Variants in SDHB observed in about 807,000 individuals in gnomAD.
SDHB encodes succinate dehydrogenase [ubiquinone] iron-sulfur subunit, mitochondrial.
A neutral mutation model predicts 39.7 loss-of-function variants in SDHB; 21 were observed. That is an observed-to-expected ratio of 0.53 (90% CI 0.37 to 0.76). The LOEUF (loss-of-function observed/expected upper bound fraction) is 0.76, where lower values mean the gene tolerates loss of function less well. Among genes scored for constraint, SDHB ranks in the 30% least tolerant of loss-of-function variants. The pLI is 0.00. For missense variants in SDHB, 343 were observed against 350.9 expected, an observed-to-expected ratio of 0.98 and a Z score of 0.18; for synonymous variants, 118 against 117.0, an observed-to-expected ratio of 1.01 and a Z score of -0.06.
chr1:17,051,001 C>A (rs2078143620), intron 1 of SDHB, among the ~76,000 whole-genome samples: 1 of 152,178 alleles, frequency 6.6e-6, no homozygotes, highest in Non-Finnish European at 1.5e-5. Context: ...GATCATATAG[C>A]AACACAGGTC....
At chr1:17,042,544 A>T (rs1447608772) in intron 2 of SDHB, among the ~76,000 whole-genome samples, 1 of 152,138 alleles carries the variant, frequency 6.6e-6, no homozygotes, top group East Asian at 1.9e-4. Context: ...TTGGGAAGCT[A>T]AAATGGGTGG....
intron 3 of SDHB, among the ~76,000 whole-genome samples, chr1:17,029,045 C>CAGCAGTTCT (rs1056769066): frequency 6.1e-5 from 9 of 148,200 alleles, no homozygotes; most frequent in African/African-American, 1.7e-4. Context: ...GGAGTTTCCA[C>CAGCAGTTCT]AGCAGTTCTA....
intron 2 of SDHB, among the ~76,000 whole-genome samples, chr1:17,044,113 GC>G (rs2078095644): frequency 6.6e-6 from 1 of 151,954 alleles, no homozygotes; most frequent in African/African-American, 2.4e-5. Context: ...TCCATTCAAG[GC>G]AAGTTTCTGG....
In SDHB at chr1:17,018,976, GA is replaced by G. The variant is rs1553176985; in HGVS notation, c.766-19del. On this transcript the variant is annotated intron_variant, in intron 7 of 7. Coordinates refer to ENST00000375499, the MANE Select transcript of SDHB (RefSeq NM_003000.3). ...TTCAGACCCTTGAAAAAAGAGAAAA[GA>G]ATCAATAACAAATGATAACTGAAAC... 5.1e-6 allele frequency: 8 copies of G among 1,579,318 alleles called. No homozygotes were observed. Among genetic ancestry groups the G allele is most frequent in the Non-Finnish European group, 7.0e-6 (8 of 1,150,342 alleles).
At position 17,030,624 on chromosome 1, in the gene SDHB, G is replaced by GT. The variant is rs573137188; in HGVS notation, c.287-1889dup. Among the ~76,000 whole-genome samples, 348 of 152,026 alleles carry GT rather than the reference G, an allele frequency of 2.3e-3. 2 individuals are homozygous for GT. Among genetic ancestry groups the GT allele is most frequent in the African/African-American group, 3.2e-3 (131 of 41,482 alleles). ...CCTCTAGTGCCAGTCCTCTGAAGCT[G>GT]TTTTTTGAAGATCATTAGGTCAGAG... is the stretch of plus-strand genomic sequence containing the variant. On this transcript the variant is annotated intron_variant, in intron 3 of 7. Coordinates refer to ENST00000375499, the MANE Select transcript of SDHB (RefSeq NM_003000.3).
chr1:17,052,551 G>C (rs2078154676), intron 1 of SDHB: 1 of 152,192 alleles, frequency 6.6e-6, no homozygotes, highest in Non-Finnish European at 1.5e-5. Flanking sequence ...CGTTAGTGGG[G>C]CTCTCACAAT....
At chr1:17,028,815 C>T in intron 3 of SDHB, 79 bp from the exon 4 acceptor site, 1 of 1,546,330 alleles carries the variant, frequency 6.5e-7, no homozygotes, top group Non-Finnish European at 8.9e-7. Flanking sequence ...TCTGGATCCT[C>T]CTTGCTGTGC....
At position 17,028,732 on chromosome 1, in the gene SDHB, G is replaced by A. The variant is rs2078005500; in HGVS notation, c.291C>T (p.Ile97=). The change falls in exon 4 of 8, where the codon ATC becomes ATT. Residue 97 remains isoleucine, a synonymous_variant. Coordinates refer to ENST00000375499, the MANE Select transcript of SDHB (RefSeq NM_003000.3). ...TGATGTTCATTGCACAAGAGCCACA[G>A]ATGCCTGAAAGAGACACACATTTAA... is the stretch of plus-strand genomic sequence containing the variant. ...LTFRRSCREG[I]CGSCAMNING... 2 of 1,614,014 alleles carry A rather than the reference G, an allele frequency of 1.2e-6. No individual in the cohort carries two copies. Among genetic ancestry groups the A allele is most frequent in the East Asian group, 4.5e-5 (2 of 44,892 alleles).
intron 1 of SDHB, among the ~76,000 whole-genome samples, chr1:17,050,564 T>C (rs957794008): frequency 2.0e-5 from 3 of 151,698 alleles, no homozygotes; most frequent in African/African-American, 4.8e-5. Context: ...GGCAGGAGAA[T>C]TGCTTGAAAT....
chr1:17,043,054 C>T (rs1249247318), intron 2 of SDHB, among the ~76,000 whole-genome samples: 1 of 149,912 alleles, frequency 6.7e-6, no homozygotes, highest in Non-Finnish European at 1.5e-5. Context: ...CTCCGCCTCC[C>T]AGGTTCAAGT....
Position 17,022,664 on chromosome 1 carries a change from G to C in SDHB, c.709C>G (p.Pro237Ala), listed in dbSNP as rs186768244. ...GTGTGGCAGCGGTATAGAGAGAATGGGTCCTGCAGCTTGGCCAGGCGCTCC... is the reference window on the plus strand; with the variant it reads ...GTGTGGCAGCGGTATAGAGAGAATGCGTCCTGCAGCTTGGCCAGGCGCTCC... The part of the protein sequence containing the change: ...TEERLAKLQD[P>A]FSLYRCHTIM... The change falls in exon 7 of 8, where the codon CCA becomes GCA. Residue 237 changes from proline to alanine, a missense_variant. Transcript: ENST00000375499. The C allele has an allele frequency of 6.2e-7, 1 of 1,614,046 alleles. No homozygotes were observed. Among genetic ancestry groups the C allele is most frequent in the South Asian group, 1.1e-5 (1 of 91,078 alleles).
At chr1:17,032,144 A>T (rs183070190) in intron 3 of SDHB, among the ~76,000 whole-genome samples, 561 of 152,254 alleles carry the variant, frequency 3.7e-3, no homozygotes, top group Non-Finnish European at 5.8e-3. Context: ...TGTTTTGCTT[A>T]AATTCACATT....
chr1:17,042,954 G>GTTTTTTTTTTTTTTTTTTTTTTTTT (rs143394198), intron 2 of SDHB, among the ~76,000 whole-genome samples: 2 of 62,872 alleles, frequency 3.2e-5, no homozygotes, highest in African/African-American at 6.8e-5. Flanking sequence ...TGTTTTATGA[G>GTTTTTTTTTTTTTTTTTTTTTTTTT]TTTTTTTTTT....
At chr1:17,032,260 G>A (rs1438711763) in intron 3 of SDHB, among the ~76,000 whole-genome samples, 4 of 149,724 alleles carry the variant, frequency 2.7e-5, no homozygotes, top group Non-Finnish European at 5.9e-5. Context: ...GTGCAGTGGC[G>A]TGATCTTGGC....
intron 1 of SDHB, among the ~76,000 whole-genome samples, chr1:17,050,289 G>A (rs1298394996): frequency 6.6e-6 from 1 of 151,952 alleles, no homozygotes; most frequent in Non-Finnish European, 1.5e-5. Flanking sequence ...CAGTTTTGGA[G>A]TGCCCCAAAA....
At chr1:17,022,793 A>G (rs1570945031) in intron 6 of SDHB, 63 bp from the exon 7 acceptor site, 1 of 1,576,108 alleles carries the variant, frequency 6.3e-7, no homozygotes, top group African/African-American at 1.3e-5. Context: ...ACCCTGGCTC[A>G]ACTCAAAGCT....
chr1:17,039,330 A>G (rs2078066482), intron 2 of SDHB, among the ~76,000 whole-genome samples: 1 of 150,298 alleles, frequency 6.7e-6, no homozygotes, highest in East Asian at 2.0e-4. Context: ...CACACCTGTA[A>G]TCCTAGCACT....
At chr1:17,047,299 T>C (rs1479764385) in intron 1 of SDHB, among the ~76,000 whole-genome samples, 2 of 151,508 alleles carry the variant, frequency 1.3e-5, no homozygotes, top group African/African-American at 4.9e-5. Flanking sequence ...GAGATTGCAG[T>C]GAGCCAAGAT....
chr1:17,052,165 A>G (rs1291753283), intron 1 of SDHB: 3 of 152,212 alleles, frequency 2.0e-5, no homozygotes, highest in Non-Finnish European at 2.9e-5. Flanking sequence ...ACTTTTAAGT[A>G]GGTAGTTCTT....
Sources: gnomAD v4.1 joint callset for allele counts (sites outside exome capture counted in the v4.1 genomes callset) on GRCh38, gnomAD v4.1.1 for gene constraint, MANE v1.5 for transcripts, NCBI Gene and HGNC (gene_info 2026-07-23, HGNC 2026-07-21) for gene names.